GALNS: variants seen among roughly 807,000 people sequenced by gnomAD.
The protein encoded by GALNS is N-acetylgalactosamine-6-sulfatase.
GALNS carries 65 observed loss-of-function variants against 65.9 expected under a neutral mutation model. That is an observed-to-expected ratio of 0.99 (90% CI 0.81 to 1.21). The LOEUF (loss-of-function observed/expected upper bound fraction) is 1.21, where lower values mean the gene tolerates loss of function less well. Ranked by LOEUF, GALNS falls within the 50% of genes most tolerant of loss-of-function variation. The pLI, the probability that GALNS is intolerant of heterozygous loss-of-function variation, is 0.00. For synonymous variants in GALNS, 346 were observed against 288.9 expected (o/e 1.20, Z -2.00); for missense variants, 776 against 700.7 (o/e 1.11, Z -1.21).
intron 8 of GALNS, among the ~76,000 whole-genome samples, chr16:88,833,196 C>T (rs1044731377): frequency 1.3e-5 from 2 of 152,114 alleles, no homozygotes; most frequent in African/African-American, 2.4e-5. Flanking sequence ...CGAGCGGCAG[C>T]GTGGGGAAGC....
intron 13 of GALNS, chr16:88,815,046 A>T: frequency 5.1e-6 from 5 of 977,322 alleles, no homozygotes; most frequent in Non-Finnish European, 6.0e-6. Context: ...AGCAGTTTTG[A>T]TGTGTCCCCT....
chr16:88,828,671 C>A (rs1911173689), intron 9 of GALNS, among the ~76,000 whole-genome samples: 1 of 152,254 alleles, frequency 6.6e-6, no homozygotes, highest in Non-Finnish European at 1.5e-5. Context: ...GGGAGCGAGG[C>A]AGATGGCAAG....
chr16:88,853,534 T>A (rs921723337), intron 1 of GALNS, among the ~76,000 whole-genome samples: 3 of 152,148 alleles, frequency 2.0e-5, no homozygotes, highest in African/African-American at 4.8e-5. Context: ...ACTCTCCACT[T>A]CCTCTGTGGT....
chr16:88,813,738 G>C lies in GALNS; in HGVS notation c.*701C>G, dbSNP rs77936719. ...ATCACTCAGCCAAGAGAAAAATCAA[G>C]CTGGGAATTAGGCAAACCTGCCTCC... On this transcript the variant is annotated 3_prime_UTR_variant, in exon 14 of 14. Coordinates refer to ENST00000268695, the MANE Select transcript of GALNS (RefSeq NM_000512.5). The C allele has an allele frequency of 0.22, 33,892 of 152,528 alleles. 4,424 individuals are homozygous for C. The highest frequency in any genetic ancestry group is 0.53 in the East Asian group (2,748 of 5,168). 9.4% of individuals were successfully genotyped at this position (152,528 alleles called of 1,614,324 possible). A position where few individuals can be genotyped will look rare whatever the true frequency, so the allele number is the denominator to read the frequency against.
intron 1 of GALNS, among the ~76,000 whole-genome samples, chr16:88,849,588 C>T (rs1967411322): frequency 6.6e-6 from 1 of 151,992 alleles, no homozygotes; most frequent in African/African-American, 2.4e-5. Flanking sequence ...GTCAGGCCAA[C>T]TTTTTTGTAT....
At chr16:88,849,519 C>A (rs1967409058) in intron 1 of GALNS, among the ~76,000 whole-genome samples, 1 of 152,186 alleles carries the variant, frequency 6.6e-6, no homozygotes, top group South Asian at 2.1e-4. Context: ...ATACTGACCT[C>A]AGGTGATCCA....
intron 9 of GALNS, among the ~76,000 whole-genome samples, chr16:88,828,578 T>C (rs546065290): frequency 6.6e-6 from 1 of 152,348 alleles, no homozygotes; most frequent in South Asian, 2.1e-4. Context: ...AATTTCACTT[T>C]GTGGCCCACG....
chr16:88,842,651 G>A, intron 2 of GALNS, 55 bp downstream of exon 2: 1 of 1,599,494 alleles, frequency 6.3e-7, no homozygotes, highest in Non-Finnish European at 8.5e-7. Flanking sequence ...GGACCCGGGA[G>A]GCCTCGGCCT....
At chr16:88,850,052 G>C (rs1463688655) in intron 1 of GALNS, among the ~76,000 whole-genome samples, 1 of 152,154 alleles carries the variant, frequency 6.6e-6, no homozygotes, top group Admixed American at 6.5e-5. Flanking sequence ...AAAGCTCCTT[G>C]CCCTCCACCT....
intron 11 of GALNS, among the ~76,000 whole-genome samples, chr16:88,823,409 C>T (rs1347405710): frequency 6.6e-6 from 1 of 152,276 alleles, no homozygotes; most frequent in African/African-American, 2.4e-5. Context: ...GCGAGGTATG[C>T]CTCTAACATT....
intron 9 of GALNS, among the ~76,000 whole-genome samples, chr16:88,831,287 G>C (rs568672702): frequency 1.1e-5 from 1 of 93,202 alleles, no homozygotes; most frequent in African/African-American, 4.9e-5. Flanking sequence ...GGAGGAGAGC[G>C]GTGAGGCCGA....
chr16:88,842,107 T>C (rs1011276800), intron 2 of GALNS, 136 bp from the exon 3 acceptor site: 2 of 784,760 alleles, frequency 2.5e-6, no homozygotes, highest in South Asian at 2.9e-5. Flanking sequence ...CTGCCACGCC[T>C]GTCAATCCCC....
At chr16:88,814,755 C>T in intron 13 of GALNS, 1 of 234,800 alleles carries the variant, frequency 4.3e-6, no homozygotes, top group Non-Finnish European at 7.0e-6. Context: ...CACGCGCCAC[C>T]ACGCCTGGCT....
At chr16:88,856,235 GAC>G (rs1567549838) in intron 1 of GALNS, 1 of 703,062 alleles carries the variant, frequency 1.4e-6, no homozygotes, top group Non-Finnish European at 2.6e-6. Context: ...AGAGGACAGA[GAC>G]AGCCGTCAGG....
intron 6 of GALNS, 56 bp downstream of exon 6, chr16:88,836,145 G>A (rs1912116057): frequency 6.7e-7 from 1 of 1,492,680 alleles, no homozygotes; most frequent in Admixed American, 1.7e-5. Context: ...GATGAGGTTG[G>A]TGCGGTCCCC....
chr16:88,815,672 G>A, intron 13 of GALNS: 5 of 985,458 alleles, frequency 5.1e-6, no homozygotes, highest in Non-Finnish European at 6.0e-6. Flanking sequence ...CACTTTCCGG[G>A]GACAGACTTT....
chr16:88,834,626 G>A (rs1326253071), intron 8 of GALNS, among the ~76,000 whole-genome samples: 1 of 138,874 alleles, frequency 7.2e-6, no homozygotes, highest in African/African-American at 2.5e-5. Context: ...CTGGGAAGAG[G>A]CTGCAGGGCC....
intron 13 of GALNS, chr16:88,815,150 T>C: frequency 1.0e-6 from 1 of 985,440 alleles, no homozygotes; most frequent in Non-Finnish European, 1.2e-6. Flanking sequence ...CCAGGAATCA[T>C]GGGAACTTGG....
Position 88,836,523 on chromosome 16 carries a change from G to C in GALNS, c.567-256C>G, listed in dbSNP as rs112837743. On this transcript the variant is annotated intron_variant, in intron 5 of 13. Transcript: ENST00000268695. ...ACAAAAATTAGCTGGGCGTGGTGGC[G>C]CACGCCTGTAATCCCAGCTACTTGA... is the stretch of plus-strand genomic sequence containing the variant. 0.05 allele frequency among the ~76,000 whole-genome samples: 7,551 copies of C among 152,174 alleles called. 241 individuals are homozygous for C. Among genetic ancestry groups the C allele is most frequent in the Middle Eastern group, 0.16 (47 of 294 alleles).
Sources: gnomAD v4.1 joint callset for allele counts (sites outside exome capture counted in the v4.1 genomes callset) on GRCh38, gnomAD v4.1.1 for gene constraint, MANE v1.5 for transcripts, NCBI Gene and HGNC (gene_info 2026-07-23, HGNC 2026-07-21) for gene names.